The following PCED1B variants were observed in gnomAD, a reference collection of about 807,000 sequenced individuals.
The protein encoded by PCED1B is PC-esterase domain containing 1B.
For synonymous variants in PCED1B, 251 were observed against 246.1 expected (o/e 1.02, Z -0.19); for missense variants, 573 against 573.9 (o/e 1.00, Z 0.02).
At chr12:47,170,536 C>T (rs1004920645) in intron 2 of PCED1B, among the ~76,000 whole-genome samples, 58 of 151,708 alleles carry the variant, frequency 3.8e-4, no homozygotes, top group African/African-American at 1.3e-3. Flanking sequence ...ACCTCCCTCC[C>T]GGATATTACT....
intron 2 of PCED1B, among the ~76,000 whole-genome samples, chr12:47,206,881 A>C (rs1337664868): frequency 6.6e-6 from 1 of 152,216 alleles, no homozygotes; most frequent in African/African-American, 2.4e-5. Context: ...CTCAAATCCC[A>C]ACATCACCAA....
chr12:47,123,003 G>A (rs1423013807), intron 2 of PCED1B, among the ~76,000 whole-genome samples: 3 of 152,174 alleles, frequency 2.0e-5, no homozygotes, highest in Non-Finnish European at 4.4e-5. Flanking sequence ...GCGTACCATA[G>A]GGTAAGAAGC....
intron 1 of PCED1B, among the ~76,000 whole-genome samples, chr12:47,099,944 A>T (rs1384349380): frequency 6.6e-6 from 1 of 152,218 alleles, no homozygotes; most frequent in African/African-American, 2.4e-5. Flanking sequence ...CAGAGAGCAC[A>T]TTTGCATCAA....
At chr12:47,202,790 C>T (rs1942806330) in intron 2 of PCED1B, among the ~76,000 whole-genome samples, 1 of 151,736 alleles carries the variant, frequency 6.6e-6, no homozygotes, top group African/African-American at 2.4e-5. Flanking sequence ...CATATTCCCT[C>T]ATGAAGTAAT....
intron 2 of PCED1B, among the ~76,000 whole-genome samples, chr12:47,110,676 G>C (rs938583032): frequency 6.6e-6 from 1 of 152,200 alleles, no homozygotes; most frequent in Non-Finnish European, 1.5e-5. Context: ...TTTGGGAGCC[G>C]TCTGTGTCAC....
intron 2 of PCED1B, chr12:47,206,235 T>A (rs534175815): frequency 2.6e-5 from 4 of 152,310 alleles, no homozygotes; most frequent in African/African-American, 7.2e-5. Flanking sequence ...TATCCATAAT[T>A]TCTAATCTTG....
chr12:47,103,052 C>T (rs1471219036), intron 1 of PCED1B, among the ~76,000 whole-genome samples: 1 of 151,864 alleles, frequency 6.6e-6, no homozygotes, highest in African/African-American at 2.4e-5. Flanking sequence ...GACACATACT[C>T]GGTGGAGTAT....
At chr12:47,224,058 A>T (rs1399607409) in intron 3 of PCED1B, 1 of 152,184 alleles carries the variant, frequency 6.6e-6, no homozygotes, top group Non-Finnish European at 1.5e-5. Flanking sequence ...CATTTGTGTT[A>T]AAGGGGTAAT....
At chr12:47,195,806 T>C (rs117156640) in intron 2 of PCED1B, among the ~76,000 whole-genome samples, 12 of 152,280 alleles carry the variant, frequency 7.9e-5, no homozygotes, top group African/African-American at 2.9e-4. Context: ...ATTTTATGTA[T>C]AGTTAAATAT....
intron 2 of PCED1B, among the ~76,000 whole-genome samples, chr12:47,204,019 A>C (rs1274862674): frequency 1.3e-5 from 2 of 152,110 alleles, no homozygotes; most frequent in African/African-American, 4.8e-5. Context: ...TTGACTTTTT[A>C]AAAGTAGCCT....
intron 2 of PCED1B, among the ~76,000 whole-genome samples, chr12:47,133,759 G>A (rs563938311): frequency 1.3e-5 from 2 of 152,142 alleles, no homozygotes; most frequent in African/African-American, 4.8e-5. Context: ...CCTTGTTATG[G>A]ACTGAATGTT....
At chr12:47,169,064 T>C (rs182678289) in intron 2 of PCED1B, among the ~76,000 whole-genome samples, 32 of 152,310 alleles carry the variant, frequency 2.1e-4, no homozygotes, top group Non-Finnish European at 4.4e-4. Flanking sequence ...GGCTGTAAGA[T>C]ACAGATTAAC....
chr12:47,089,898 C>T (rs538502123), intron 1 of PCED1B, among the ~76,000 whole-genome samples: 6 of 152,168 alleles, frequency 3.9e-5, no homozygotes, highest in African/African-American at 7.2e-5. Flanking sequence ...CTCAACCTCC[C>T]GAGTAGCTGG....
intron 2 of PCED1B, among the ~76,000 whole-genome samples, chr12:47,183,407 T>A (rs1037885611): frequency 2.0e-5 from 3 of 152,224 alleles, no homozygotes; most frequent in African/African-American, 4.8e-5. Context: ...AATGTGCTAG[T>A]GTTTCCTAAC....
intron 3 of PCED1B, among the ~76,000 whole-genome samples, chr12:47,234,143 C>T (rs1246487812): frequency 6.6e-6 from 1 of 152,214 alleles, no homozygotes. Context: ...CATGCGCCAC[C>T]ACGCCCGGCT....
At chr12:47,092,569 A>G (rs1938311908) in intron 1 of PCED1B, among the ~76,000 whole-genome samples, 1 of 152,044 alleles carries the variant, frequency 6.6e-6, no homozygotes. Flanking sequence ...GACTGAAATG[A>G]TGACAGTGGT....
intron 1 of PCED1B, among the ~76,000 whole-genome samples, chr12:47,094,400 C>CCGG (rs1938390254): frequency 6.6e-6 from 1 of 152,122 alleles, no homozygotes; most frequent in African/African-American, 2.4e-5. Flanking sequence ...TATTTACATT[C>CCGG]AGTGTAATCA....
rs775219066 is a variant in PCED1B at position 47,235,988 on chromosome 12, C to G, written c.925C>G (p.Arg309Gly). ...YRPLLGFPPQ[R>G]LPLLPLLSPQ... ...CCCCCTGCTTGGGTTCCCACCCCAG[C>G]GCTTGCCGCTGCTCCCGCTCCTGTC... is the stretch of plus-strand genomic sequence containing the variant. The change falls in exon 4 of 4, where the codon CGC becomes GGC. Residue 309 changes from arginine to glycine, a missense_variant. Physicochemically the swap from Arg to Gly is moderately radical, Grantham distance 125 (BLOSUM62 -2). Coordinates refer to ENST00000546455, the MANE Select transcript of PCED1B (RefSeq NM_138371.3). The G allele has an allele frequency of 2.5e-6, 4 of 1,612,214 alleles. No homozygotes were observed. Among genetic ancestry groups the G allele is most frequent in the Non-Finnish European group, 2.5e-6 (3 of 1,179,234 alleles).
rs201366077 is a variant in PCED1B at position 47,235,779 on chromosome 12, G to A, written c.716G>A (p.Cys239Tyr). The A allele has an allele frequency of 1.7e-5, 27 of 1,587,874 alleles. No homozygotes were observed. In the East Asian group the frequency reaches 6.0e-4, roughly 35 times the overall value. ...CACTGGAATGGACGTGTGCACCGCT[G>A]CCTCTCCCAGCTGCTGCTGGCCCAC... ...GVHWNGRVHR[C>Y]LSQLLLAHVA... is the part of the protein sequence containing the mutation. Residue 239 changes from cysteine (C) to tyrosine (Y), a missense_variant, in exon 4 of 4, where the codon TGC becomes TAC. Coordinates refer to ENST00000546455, the MANE Select transcript of PCED1B (RefSeq NM_138371.3).
Sources: allele counts gnomAD v4.1 joint callset (sites outside exome capture counted in the v4.1 genomes callset), GRCh38; gene constraint gnomAD v4.1.1; transcripts MANE v1.5; gene names NCBI Gene and HGNC (gene_info 2026-07-23, HGNC 2026-07-21).